Variants in LAMA3 observed in about 807,000 individuals in gnomAD.
The protein encoded by LAMA3 is laminin subunit alpha-3.
LAMA3 carries 281 observed loss-of-function variants against 402.0 expected under a neutral mutation model. The ratio of observed to expected loss-of-function variants is 0.70; its 90% CI spans 0.63 to 0.77. The LOEUF (loss-of-function observed/expected upper bound fraction) is 0.77. LAMA3 is among the 30% of genes least tolerant of loss of function. The probability of loss-of-function intolerance (pLI) is 0.00; values close to 1 mark genes in which losing one functional copy is unlikely to be tolerated. For synonymous variants in LAMA3, 1,431 were observed against 1,558.4 expected, an observed-to-expected ratio of 0.92 and a Z score of 1.93; for missense variants, 3,840 against 4,215.5, an observed-to-expected ratio of 0.91 and a Z score of 2.47.
At position 23,950,257 on chromosome 18, in the gene LAMA3, A is replaced by G. The variant is rs2082862143; in HGVS notation, c.9642+98A>G. ...AGGTTTGTAGTAGAGAATGGGATCC[A>G]ATCTTGTATTTAAGAGCCTTGACTT... On this transcript the variant is annotated intron_variant, in intron 72 of 74. Coordinates refer to ENST00000313654, the MANE Select transcript of LAMA3 (RefSeq NM_198129.4). The G allele has an allele frequency of 2.2e-6, 3 of 1,386,550 alleles. 1 individual carries two copies. Among genetic ancestry groups the G allele is most frequent in the Admixed American group, 3.6e-5 (2 of 55,920 alleles). 85.9% of individuals were successfully genotyped at this position (1,386,550 alleles called of 1,614,324 possible).
chr18:23,764,489 ATAC>A (rs1406082991), intron 8 of LAMA3, among the ~76,000 whole-genome samples: 6 of 152,080 alleles, frequency 3.9e-5, no homozygotes, highest in Admixed American at 3.9e-4. Context: ...TGTCTTTAGA[ATAC>A]TTTGTTATTC....
At chr18:23,722,950 G>C (rs962010712) in intron 2 of LAMA3, among the ~76,000 whole-genome samples, 1 of 152,156 alleles carries the variant, frequency 6.6e-6, no homozygotes, top group Non-Finnish European at 1.5e-5. Flanking sequence ...GAAAACCAGA[G>C]TTTGGCATCA....
intron 8 of LAMA3, among the ~76,000 whole-genome samples, chr18:23,770,304 A>G (rs911268264): frequency 6.6e-6 from 1 of 152,186 alleles, no homozygotes; most frequent in African/African-American, 2.4e-5. Flanking sequence ...AGTTACAGAC[A>G]GAAAATATTC....
chr18:23,954,685 A>C lies in LAMA3; in HGVS notation c.*37A>C. On this transcript the variant is annotated 3_prime_UTR_variant, in exon 75 of 75. Transcript: ENST00000313654. ...TTCACAGCAAGGAAATTCACCTTCA[A>C]AAGCACTGATTACCCAATGCACCTC... is the stretch of plus-strand genomic sequence containing the variant. 6.2e-7 allele frequency: 1 copy of C among 1,610,008 alleles called. No individual in the cohort carries two copies. The highest frequency in any genetic ancestry group is 8.5e-7 in the Non-Finnish European group (1 of 1,176,340).
In LAMA3 at chr18:23,831,174, C is replaced by A. The variant is rs191010770; in HGVS notation, c.2824-2654C>A. On this transcript the variant is annotated intron_variant, in intron 23 of 74. Transcript: ENST00000313654. ...AACTAGCTGACCCACGTCTGCTCTG[C>A]CCATTGCACCTCTTGATCTTTTCTC... Among the ~76,000 whole-genome samples, 1,341 of 152,306 alleles carry A rather than the reference C, an allele frequency of 8.8e-3. 12 individuals are homozygous for A. Among genetic ancestry groups the A allele is most frequent in the South Asian group, 0.068 (327 of 4,826 alleles).
chr18:23,732,755 T>C lies in LAMA3; in HGVS notation c.448-15188T>C, dbSNP rs117667500. Among the ~76,000 whole-genome samples the C allele has an allele frequency of 9.8e-3, 1,489 of 152,206 alleles. 17 individuals are homozygous for C. Among genetic ancestry groups the C allele is most frequent in the Non-Finnish European group, 0.017 (1,158 of 68,008 alleles). On this transcript the variant is annotated intron_variant, in intron 2 of 74. Transcript: ENST00000313654. ...CCTACTCACTGGGTAACTGTAAACA[T>C]GCCATGTGTCTTCTCCAAACTGCAG...
intron 38 of LAMA3, chr18:23,873,163 C>A: frequency 6.2e-7 from 1 of 1,614,238 alleles, no homozygotes; most frequent in Non-Finnish European, 8.5e-7. Flanking sequence ...TTTCTTCAGC[C>A]TCCCGGTCAA....
intron 60 of LAMA3, among the ~76,000 whole-genome samples, chr18:23,920,557 A>G (rs917636942): frequency 1.3e-5 from 2 of 152,228 alleles, no homozygotes; most frequent in African/African-American, 4.8e-5. Flanking sequence ...AGATGGTGGA[A>G]GGTATCTGAG....
At chr18:23,913,643 C>G (rs2081510670) in intron 56 of LAMA3, among the ~76,000 whole-genome samples, 1 of 152,174 alleles carries the variant, frequency 6.6e-6, no homozygotes, top group South Asian at 2.1e-4. Flanking sequence ...TTAGTTGTCA[C>G]TAGTGGATCT....
At position 23,954,958 on chromosome 18, in the gene LAMA3, C is replaced by A; in HGVS notation, c.*310C>A. On this transcript the variant is annotated 3_prime_UTR_variant, in exon 75 of 75. Transcript: ENST00000313654. ...GTCTTTTAAGAAACATTCTTTTCCA[C>A]TTGTTAAAAAAATTAAATATATTTT... is the stretch of plus-strand genomic sequence containing the variant. 3.0e-6 allele frequency: 1 copy of A among 336,432 alleles called. No individual in the cohort carries two copies. Among genetic ancestry groups the A allele is most frequent in the Non-Finnish European group, 5.6e-6 (1 of 179,644 alleles). The allele number at this position is 336,432 out of a possible 1,614,324, so 20.8% of individuals were successfully genotyped here.
intron 8 of LAMA3, among the ~76,000 whole-genome samples, chr18:23,765,360 A>G (rs1028126005): frequency 1.3e-5 from 2 of 152,222 alleles, no homozygotes; most frequent in Non-Finnish European, 2.9e-5. Flanking sequence ...TCCGTTTTCC[A>G]TACAATCCAA....
intron 61 of LAMA3, 95 bp downstream of exon 61, chr18:23,921,149 T>A: frequency 7.3e-7 from 1 of 1,366,768 alleles, no homozygotes; most frequent in Non-Finnish European, 1.0e-6. Context: ...AAACTTCCTA[T>A]TACCAGATAA....
At chr18:23,934,857 G>A (rs2082266271) in intron 67 of LAMA3, among the ~76,000 whole-genome samples, 1 of 152,230 alleles carries the variant, frequency 6.6e-6, no homozygotes, top group Non-Finnish European at 1.5e-5. Context: ...TCAACCACGT[G>A]CTGCTTCTCT....
chr18:23,790,951 C>T (rs1042542595), intron 12 of LAMA3, among the ~76,000 whole-genome samples: 10 of 151,426 alleles, frequency 6.6e-5, no homozygotes, highest in Non-Finnish European at 1.0e-4. Context: ...TGCAGTGGCG[C>T]GATCTCGGTT....
intron 22 of LAMA3, 40 bp from the exon 23 acceptor site, chr18:23,827,274 G>T: frequency 1.2e-6 from 2 of 1,609,908 alleles, no homozygotes; most frequent in Non-Finnish European, 1.7e-6. Flanking sequence ...GATGTTCTCA[G>T]TTGTAACTAT....
At chr18:23,898,410 T>A (rs532067894) in intron 44 of LAMA3, 23 of 282,466 alleles carry the variant, frequency 8.1e-5, no homozygotes, top group Middle Eastern at 1.2e-3. Context: ...ACTGCAGGTT[T>A]TTAAAAAACT....
chr18:23,935,786 T>A (rs1291403137), intron 67 of LAMA3, among the ~76,000 whole-genome samples: 1 of 152,178 alleles, frequency 6.6e-6, no homozygotes, highest in Non-Finnish European at 1.5e-5. Context: ...TTACTATGCA[T>A]GCTAATGAAA....
chr18:23,920,856 T>G, intron 60 of LAMA3, 79 bp from the exon 61 acceptor site: 2 of 1,568,186 alleles, frequency 1.3e-6, no homozygotes, highest in Non-Finnish European at 1.7e-6. Context: ...GGGGGGTCTG[T>G]GAGAGTAACG....
Position 23,899,339 on chromosome 18 carries a change from C to T in LAMA3, c.5888C>T (p.Ser1963Leu), listed in dbSNP as rs181768242. 1.1e-5 allele frequency: 17 copies of T among 1,613,970 alleles called. No homozygotes were observed. In the Admixed American group the frequency reaches 1.5e-4, roughly 14 times the overall value. Residue 1963 changes from serine (S) to leucine (L), a missense_variant, in exon 47 of 75, where the codon TCA (serine) becomes TTA (leucine). Physicochemically the swap from Ser to Leu is moderately radical, Grantham distance 145. Coordinates refer to ENST00000313654, the MANE Select transcript of LAMA3 (RefSeq NM_198129.4). The part of the protein sequence containing the change: ...GTDGEGNNVP[S>L]GDFSREWAEA... The stretch of plus-strand genomic sequence containing the variant: ...GATGGAGAGGGAAACAACGTGCCTT[C>T]AGGTGACTTTTCCAGAGAGTGGGCT...
Sources: gnomAD v4.1 joint callset for allele counts (sites outside exome capture counted in the v4.1 genomes callset) on GRCh38, gnomAD v4.1.1 for gene constraint, MANE v1.5 for transcripts, NCBI Gene and HGNC (gene_info 2026-07-23, HGNC 2026-07-21) for gene names.